The following ECD variants were observed in gnomAD, a reference collection of about 807,000 sequenced individuals.
ECD encodes ecdysoneless cell cycle regulator.
A neutral mutation model predicts 77.2 loss-of-function variants in ECD; 59 were observed. The observed-to-expected ratio is 0.76, with a 90% CI of 0.62 to 0.95. ECD has a LOEUF of 0.95. ECD is among the 40% of genes least tolerant of loss of function. The probability of loss-of-function intolerance (pLI) is 0.00; values close to 1 mark genes in which losing one functional copy is unlikely to be tolerated. For synonymous variants in ECD, 233 were observed against 267.4 expected (o/e 0.87, Z 1.26); for missense variants, 704 against 763.4 (o/e 0.92, Z 0.92).
chr10:73,143,733 A>G (rs931640707), intron 9 of ECD, among the ~76,000 whole-genome samples: 4 of 151,102 alleles, frequency 2.6e-5, no homozygotes, highest in African/African-American at 9.7e-5. Context: ...GTTATCATTG[A>G]CTATAGTCAC....
chr10:73,154,509 C>T, intron 5 of ECD, 61 bp from the exon 6 acceptor site: 1 of 1,422,994 alleles, frequency 7.0e-7, no homozygotes, highest in Non-Finnish European at 9.3e-7. Flanking sequence ...AATTCTTATA[C>T]CATTCACATT....
At chr10:73,164,058 G>A (rs1314323985) in intron 1 of ECD, 108 bp from the exon 2 acceptor site, 23 of 911,276 alleles carry the variant, frequency 2.5e-5, no homozygotes, top group East Asian at 5.2e-5. Flanking sequence ...TAGTTAGGCC[G>A]GGCACAGTGG....
intron 9 of ECD, among the ~76,000 whole-genome samples, chr10:73,140,061 C>T (rs1843032593): frequency 6.6e-6 from 1 of 151,862 alleles, no homozygotes; most frequent in Non-Finnish European, 1.5e-5. Flanking sequence ...CTCGGCTCAC[C>T]ACAACCTCCG....
At chr10:73,139,039 CTAAAGAG>C (rs1406659601) in intron 11 of ECD, among the ~76,000 whole-genome samples, 1 of 152,110 alleles carries the variant, frequency 6.6e-6, no homozygotes, top group Non-Finnish European at 1.5e-5. Context: ...CATAAAGCTA[CTAAAGAG>C]TAAAGTATAT....
chr10:73,140,004 T>C (rs1258509193), intron 9 of ECD, among the ~76,000 whole-genome samples: 2 of 151,974 alleles, frequency 1.3e-5, no homozygotes, highest in Non-Finnish European at 2.9e-5. Context: ...TGTTTGTTTT[T>C]AACAGAGTTT....
chr10:73,156,794 G>T, intron 3 of ECD, 139 bp from the exon 4 acceptor site: 1 of 706,354 alleles, frequency 1.4e-6, no homozygotes, highest in Non-Finnish European at 2.3e-6. Flanking sequence ...CTATAAGAAA[G>T]CAAAATATTT....
intron 8 of ECD, 108 bp downstream of exon 8, chr10:73,148,168 G>C: frequency 2.2e-6 from 3 of 1,379,260 alleles, no homozygotes; most frequent in Admixed American, 2.5e-5. Context: ...TTTAAGTCTA[G>C]CTTCCATAAT....
At chr10:73,167,388 G>T (rs549563771) in intron 1 of ECD, among the ~76,000 whole-genome samples, 17 of 152,154 alleles carry the variant, frequency 1.1e-4, no homozygotes, top group Admixed American at 9.8e-4. Context: ...TTTTCTAAGG[G>T]TTTTCCTTAT....
intron 7 of ECD, 38 bp from the exon 8 acceptor site, chr10:73,148,442 T>G (rs374147225): frequency 1.4e-5 from 22 of 1,592,718 alleles, no homozygotes; most frequent in South Asian, 3.4e-5. Context: ...ACTAAGTTCC[T>G]TTTTTCCCGT....
chr10:73,159,032 G>T (rs1299119236), intron 3 of ECD, among the ~76,000 whole-genome samples: 1 of 152,154 alleles, frequency 6.6e-6, no homozygotes, highest in African/African-American at 2.4e-5. Context: ...CCATGAGTTG[G>T]TAATTGTTGA....
rs779706766 is a variant in ECD at position 73,134,726 on chromosome 10, G to C, written c.1792C>G (p.Leu598Val). The C allele has an allele frequency of 6.4e-5, 103 of 1,614,146 alleles. 2 individuals are homozygous for C. In the Admixed American group the frequency reaches 1.6e-3, roughly 25 times the overall value. ...TCCAATATATTTGAAACCAGGTTCA[G>C]GTCTACATCTACTGGTGCCATAACA... ...ESVMAPVDVD[L>V]NLVSNILESY... is the part of the protein sequence containing the mutation. Residue 598 changes from leucine (L) to valine (V), a missense_variant, in exon 14 of 14, where the codon CTG becomes GTG. Leu to Val is a conservative substitution (Grantham distance 32). This residue lies in a region of ECD where 142 missense variants were observed against 163.6 expected (regional missense o/e 0.87). Coordinates refer to ENST00000372979, the MANE Select transcript of ECD (RefSeq NM_007265.3).
At chr10:73,139,531 A>G (rs1343901018) in intron 10 of ECD, 36 bp from the exon 11 acceptor site, 2 of 1,607,148 alleles carry the variant, frequency 1.2e-6, no homozygotes, top group Non-Finnish European at 1.7e-6. Flanking sequence ...GCCATTCTAC[A>G]TTCACATAAG....
At position 73,160,532 on chromosome 10, in the gene ECD, C is replaced by A; in HGVS notation, c.225G>T (p.Met75Ile). ...TATCCCCAAACTTTGTCACGCCAAA[C>A]ATATGAGCAGGAACACCTCCTAAAA... is the stretch of plus-strand genomic sequence containing the variant. ...KPGKGGVPAH[M>I]FGVTKFGDNI... The change falls in exon 3 of 14, where the codon ATG (methionine) becomes ATT (isoleucine). Residue 75 changes from methionine (M) to isoleucine (I), a missense_variant. Around this residue, in one of 3 missense-constraint regions of ECD, gnomAD observed 559 missense variants for 583.7 expected, o/e 0.96. Coordinates refer to ENST00000372979, the MANE Select transcript of ECD (RefSeq NM_007265.3). The A allele has an allele frequency of 6.2e-7, 1 of 1,610,232 alleles. No homozygotes were observed. Among genetic ancestry groups the A allele is most frequent in the Non-Finnish European group, 8.5e-7 (1 of 1,178,548 alleles).
At chr10:73,161,001 A>G (rs1843369431) in intron 2 of ECD, among the ~76,000 whole-genome samples, 1 of 152,230 alleles carries the variant, frequency 6.6e-6, no homozygotes, top group Non-Finnish European at 1.5e-5. Context: ...CATGGAAACT[A>G]AACAACAACA....
chr10:73,151,191 C>T (rs921652004), intron 7 of ECD, among the ~76,000 whole-genome samples: 2 of 152,088 alleles, frequency 1.3e-5, no homozygotes, highest in African/African-American at 4.8e-5. Context: ...GAATACTATG[C>T]AGCCATAAAA....
At chr10:73,162,100 G>T (rs558915932) in intron 2 of ECD, among the ~76,000 whole-genome samples, 22 of 152,162 alleles carry the variant, frequency 1.4e-4, no homozygotes, top group Non-Finnish European at 2.9e-4. Flanking sequence ...ATTTCATCTT[G>T]AAGCAATGGG....
chr10:73,146,309 T>G lies in ECD; in HGVS notation c.1094A>C (p.Asn365Thr). The stretch of plus-strand genomic sequence containing the variant: ...CCAGTCTACTGAGAGCTGGAAGTAA[T>G]TCTCTGCCATTTCTAGCCTTTCCCG... ...QYRERLEMAE[N>T]YFQLSVDWPE... Residue 365 changes from asparagine (N) to threonine (T), a missense_variant, in exon 9 of 14, where the codon AAT becomes ACT. This residue lies in a region of ECD where 559 missense variants were observed against 583.7 expected (regional missense o/e 0.96). Coordinates refer to ENST00000372979, the MANE Select transcript of ECD (RefSeq NM_007265.3). 1 of 1,610,904 alleles carries G rather than the reference T, an allele frequency of 6.2e-7. No individual in the cohort carries two copies. The highest frequency in any genetic ancestry group is 8.5e-7 in the Non-Finnish European group (1 of 1,177,930).
rs775919239 is a variant in ECD at position 73,156,324 on chromosome 10, T to G, written c.541A>C (p.Ile181Leu). 6.8e-6 allele frequency: 11 copies of G among 1,612,224 alleles called. No homozygotes were observed. In the East Asian group the frequency reaches 2.5e-4, roughly 36 times the overall value. The change falls in exon 5 of 14, where the codon ATA becomes CTA. Residue 181 changes from isoleucine (I) to leucine (L), a missense_variant. Ile to Leu is a conservative substitution (Grantham distance 5). Transcript: ENST00000372979. ...LNIITAHSEKILASESIRAAV... is the reference protein window; with the variant it reads ...LNIITAHSEKLLASESIRAAV... ...GCTCGTATAGATTCTGAAGCAAGTA[T>G]TTTTTCTGAATGTGCTGTGATTATA...
rs747595527 is a variant in ECD, at chr10:73,156,451, T to C, written c.414A>G (p.Val138=). 1 of 1,608,600 alleles carries C rather than the reference T, an allele frequency of 6.2e-7. No homozygotes were observed. Among genetic ancestry groups the C allele is most frequent in the Non-Finnish European group, 8.5e-7 (1 of 1,177,710 alleles). The change falls in exon 5 of 14, where the codon GTA becomes GTG. Residue 138 remains valine (V), a splice_region_variant and synonymous_variant. Transcript: ENST00000372979. ...WLDPENSTNR[V]FFCHGELCII... is the part of the protein sequence containing the mutation. ...TACACAATTCCCCATGGCAGAAAAA[T>C]ACCTGCAAACGGTACATTTCAATTT...
Sources: gnomAD v4.1 joint callset for allele counts (sites outside exome capture counted in the v4.1 genomes callset) on GRCh38, gnomAD v4.1.1 for gene constraint, gnomAD v4.1.1 regional missense constraint, MANE v1.5 for transcripts, NCBI Gene and HGNC (gene_info 2026-07-23, HGNC 2026-07-21) for gene names.